The following FMN2 variants were observed in gnomAD, a reference collection of about 807,000 sequenced individuals.
FMN2 encodes formin 2.
A neutral mutation model predicts 142.3 loss-of-function variants in FMN2; 51 were observed. The observed-to-expected ratio is 0.36, with a 90% CI of 0.29 to 0.45. The LOEUF (loss-of-function observed/expected upper bound fraction) is 0.45, where lower values mean the gene tolerates loss of function less well. Among genes scored for constraint, FMN2 ranks in the 20% least tolerant of loss-of-function variants. FMN2 has a pLI of 1.00. For missense variants in FMN2, 1,936 were observed against 2,122.8 expected, an observed-to-expected ratio of 0.91 and a Z score of 1.73; for synonymous variants, 882 against 869.8, an observed-to-expected ratio of 1.01 and a Z score of -0.25.
intron 8 of FMN2, among the ~76,000 whole-genome samples, chr1:240,316,724 T>G (rs894149425): frequency 4.0e-5 from 6 of 151,898 alleles, no homozygotes; most frequent in Non-Finnish European, 1.5e-5. Flanking sequence ...GCTCATTTTG[T>G]TTTTTTTCTT....
chr1:240,362,746 T>C (rs536614864), intron 14 of FMN2, among the ~76,000 whole-genome samples: 2 of 152,290 alleles, frequency 1.3e-5, no homozygotes, highest in East Asian at 3.9e-4. Context: ...TTTTAAAACT[T>C]AAGCTCAACT....
intron 4 of FMN2, 97 bp downstream of exon 4, chr1:240,188,359 G>A (rs186039551): frequency 7.7e-7 from 1 of 1,294,412 alleles, no homozygotes; most frequent in Admixed American, 1.8e-5. Context: ...TGCCCGGCTG[G>A]CTAGGATGCC....
chr1:240,354,460 G>A (rs552114351), intron 13 of FMN2, among the ~76,000 whole-genome samples: 11 of 152,294 alleles, frequency 7.2e-5, no homozygotes, highest in Admixed American at 4.6e-4. Flanking sequence ...CTGTACTGGT[G>A]GAAGTTTCAT....
intron 16 of FMN2, among the ~76,000 whole-genome samples, chr1:240,438,479 C>A (rs9442205): frequency 4.6e-5 from 7 of 152,052 alleles, no homozygotes; most frequent in African/African-American, 1.7e-4. Flanking sequence ...GAGGAAACCA[C>A]GTAAAAGTGA....
intron 7 of FMN2, among the ~76,000 whole-genome samples, chr1:240,282,496 A>G (rs1669433153): frequency 6.6e-6 from 1 of 152,242 alleles, no homozygotes. Flanking sequence ...TCAAAAGAAG[A>G]ATGCTGTTGG....
At chr1:240,464,415 C>A (rs183578747) in intron 16 of FMN2, among the ~76,000 whole-genome samples, 1 of 152,108 alleles carries the variant, frequency 6.6e-6, no homozygotes, top group South Asian at 2.1e-4. Context: ...GTAAATGATC[C>A]TCTCAGCTCT....
At chr1:240,163,355 A>G (rs1175802911) in intron 2 of FMN2, among the ~76,000 whole-genome samples, 1 of 152,078 alleles carries the variant, frequency 6.6e-6, no homozygotes, top group Non-Finnish European at 1.5e-5. Flanking sequence ...AGCTCTGCCA[A>G]TTTTTGCTAT....
chr1:240,373,278 C>T (rs371308619), intron 14 of FMN2, among the ~76,000 whole-genome samples: 7 of 152,224 alleles, frequency 4.6e-5, no homozygotes, highest in East Asian at 1.9e-4. Flanking sequence ...GACAGCTGCT[C>T]GCTGACAGGT....
At chr1:240,114,948 G>A (rs1219520678) in intron 1 of FMN2, among the ~76,000 whole-genome samples, 12 of 152,072 alleles carry the variant, frequency 7.9e-5, no homozygotes, top group Admixed American at 7.9e-4. Flanking sequence ...GAGCCACCGC[G>A]CCCGGCCAAT....
At chr1:240,418,685 G>A (rs1266360449) in intron 15 of FMN2, among the ~76,000 whole-genome samples, 2 of 152,190 alleles carry the variant, frequency 1.3e-5, no homozygotes, top group East Asian at 1.9e-4. Flanking sequence ...TGGCCAACGT[G>A]TATAAGTATA....
intron 6 of FMN2, among the ~76,000 whole-genome samples, chr1:240,241,708 CTT>C (rs754685192): frequency 6.6e-6 from 1 of 151,230 alleles, no homozygotes; most frequent in Non-Finnish European, 1.5e-5. Flanking sequence ...CGCTACTCCT[CTT>C]GTTTAACAGC....
chr1:240,388,249 A>AT (rs1221989084), intron 14 of FMN2, among the ~76,000 whole-genome samples: 1 of 149,688 alleles, frequency 6.7e-6, no homozygotes, highest in African/African-American at 2.4e-5. Flanking sequence ...AAAAAAAAAA[A>AT]AAAAATCATG....
In FMN2 at chr1:240,091,981, C is replaced by G; in HGVS notation, c.-129C>G. 1 of 1,365,162 alleles carries G rather than the reference C, an allele frequency of 7.3e-7. No individual in the cohort carries two copies. Among genetic ancestry groups the G allele is most frequent in the South Asian group, 1.8e-5 (1 of 55,934 alleles). 84.6% of individuals were successfully genotyped at this position (1,365,162 alleles called of 1,614,324 possible). ...GGCCAGCCGGGCGCGCGTCGGCCTCCCCTCCCAGCGGCTCCCCCCGCCGCC... is the reference window on the plus strand; with the variant it reads ...GGCCAGCCGGGCGCGCGTCGGCCTCGCCTCCCAGCGGCTCCCCCCGCCGCC... On this transcript the variant is annotated 5_prime_UTR_variant, in exon 1 of 18. Coordinates refer to ENST00000319653, the MANE Select transcript of FMN2 (RefSeq NM_020066.5).
intron 16 of FMN2, among the ~76,000 whole-genome samples, chr1:240,466,862 G>A (rs1022820536): frequency 1.3e-5 from 2 of 152,190 alleles, no homozygotes; most frequent in Admixed American, 6.5e-5. Context: ...GTATGTGGGA[G>A]CTGGGGGCTG....
intron 1 of FMN2, among the ~76,000 whole-genome samples, chr1:240,097,265 G>A (rs1661231858): frequency 6.6e-6 from 1 of 152,004 alleles, no homozygotes; most frequent in African/African-American, 2.4e-5. Context: ...AAGTGTGTGG[G>A]CTGTTGGCTT....
chr1:240,441,701 G>A (rs536541250), intron 16 of FMN2, among the ~76,000 whole-genome samples: 5 of 149,004 alleles, frequency 3.4e-5, no homozygotes, highest in African/African-American at 9.9e-5. Context: ...TATCTGGTAT[G>A]GTCCTCATAT....
At chr1:240,317,710 T>G (rs970774259) in intron 8 of FMN2, among the ~76,000 whole-genome samples, 1 of 152,204 alleles carries the variant, frequency 6.6e-6, no homozygotes, top group Non-Finnish European at 1.5e-5. Context: ...TGAACATGTA[T>G]GTACATAATT....
At chr1:240,393,854 G>A (rs981108119) in intron 15 of FMN2, among the ~76,000 whole-genome samples, 2 of 152,200 alleles carry the variant, frequency 1.3e-5, no homozygotes, top group Non-Finnish European at 1.5e-5. Flanking sequence ...TTACACAATA[G>A]TCTGTTGCCA....
rs1290862855 is a variant in FMN2 at position 240,137,919 on chromosome 1, G to A, written c.1782+14574G>A. On this transcript the variant is annotated intron_variant, in intron 2 of 17. Coordinates refer to ENST00000319653, the MANE Select transcript of FMN2 (RefSeq NM_020066.5). ...AGCCTGGCCAACATGGTGAAACCTT[G>A]TCTCTACTACAAATACAAAAATTAG... 4.0e-5 allele frequency among the ~76,000 whole-genome samples: 6 copies of A among 151,878 alleles called. 1 individual carries two copies. The highest frequency in any genetic ancestry group is 1.2e-4 in the African/African-American group (5 of 41,452).
Sources: gnomAD v4.1 joint callset for allele counts (sites outside exome capture counted in the v4.1 genomes callset) on GRCh38, gnomAD v4.1.1 for gene constraint, MANE v1.5 for transcripts, NCBI Gene and HGNC (gene_info 2026-07-23, HGNC 2026-07-21) for gene names.